Variants in SRCAP observed in about 807,000 individuals in gnomAD.
SRCAP encodes the protein chromatin remodeling protein SRCAP.
A neutral mutation model predicts 263.1 loss-of-function variants in SRCAP; 46 were observed. The ratio of observed to expected loss-of-function variants is 0.17; its 90% CI spans 0.14 to 0.22. The LOEUF is 0.22. SRCAP is among the 10% of genes least tolerant of loss of function. SRCAP has a pLI of 1.00. For synonymous variants in SRCAP, 1,813 were observed against 1,662.1 expected (o/e 1.09, Z -2.21); for missense variants, 3,695 against 4,181.9 (o/e 0.88, Z 3.21).
At chr16:30,725,114 A>G (rs2053051516) in intron 25 of SRCAP, 32 bp downstream of exon 25, 2 of 1,569,610 alleles carry the variant, frequency 1.3e-6, no homozygotes, top group African/African-American at 1.4e-5. Flanking sequence ...GGGAACAGGA[A>G]GTTGAGTTTC....
At chr16:30,710,615 A>G in intron 8 of SRCAP, 139 bp from the exon 9 acceptor site, 1 of 921,438 alleles carries the variant, frequency 1.1e-6, no homozygotes, top group Non-Finnish European at 1.8e-6. Context: ...CCTTGATTGT[A>G]TTCTTGCCCT....
At chr16:30,727,901 G>C (rs760934203) in intron 25 of SRCAP, among the ~76,000 whole-genome samples, 1 of 151,900 alleles carries the variant, frequency 6.6e-6, no homozygotes, top group Admixed American at 6.6e-5. Flanking sequence ...TGCCCAAACT[G>C]GTCTTGAATA....
At chr16:30,699,554 A>G (rs1290340266) in intron 1 of SRCAP, among the ~76,000 whole-genome samples, 3 of 150,934 alleles carry the variant, frequency 2.0e-5, no homozygotes, top group African/African-American at 7.3e-5. Flanking sequence ...CGGGAGTTCC[A>G]CTCTCACTTC....
Position 30,736,385 on chromosome 16 carries a change from C to G in SRCAP, c.6915C>G (p.Leu2305=), listed in dbSNP as rs915038749. 6.2e-7 allele frequency: 1 copy of G among 1,612,202 alleles called. No homozygotes were observed. The highest frequency in any genetic ancestry group is 1.7e-5 in the Admixed American group (1 of 59,900). Reference sequence around the variant, plus strand: ...GGGCTGAGCAGGAAATTGCTGCCCTCGTAGAACAGGTCAGTGCTGGACCCA... The same window carrying G: ...GGGCTGAGCAGGAAATTGCTGCCCTGGTAGAACAGGTCAGTGCTGGACCCA... The part of the protein sequence containing the change: ...MSRAEQEIAA[L]VEQLTPIERY... Residue 2305 remains leucine, a synonymous_variant, in exon 32 of 34, where the codon CTC becomes CTG. Coordinates refer to ENST00000262518, the MANE Select transcript of SRCAP (RefSeq NM_006662.3).
At chr16:30,721,589 C>G in intron 21 of SRCAP, 113 bp downstream of exon 21, 1 of 1,402,014 alleles carries the variant, frequency 7.1e-7, no homozygotes, top group Admixed American at 2.5e-5. Flanking sequence ...TGCCTATAAT[C>G]CCGGTGCTTT....
chr16:30,720,421 A>C (rs929650587), intron 19 of SRCAP, 90 bp downstream of exon 19: 4 of 1,441,446 alleles, frequency 2.8e-6, no homozygotes, highest in Non-Finnish European at 3.8e-6. Context: ...AAAGAGTTGG[A>C]TGCAAGGCTG....
chr16:30,726,420 A>G (rs1347322420), intron 25 of SRCAP, among the ~76,000 whole-genome samples: 6 of 152,216 alleles, frequency 3.9e-5, no homozygotes, highest in Non-Finnish European at 7.3e-5. Context: ...ACTAGGTTTT[A>G]ACTGTTTAAG....
At chr16:30,723,253 G>T (rs1402357792) in intron 24 of SRCAP, 24 bp downstream of exon 24, 1 of 1,573,866 alleles carries the variant, frequency 6.4e-7, no homozygotes, top group Non-Finnish European at 8.6e-7. Context: ...GCTGAGGCCA[G>T]AAATCCTTGC....
intron 27 of SRCAP, 96 bp downstream of exon 27, chr16:30,729,668 C>A (rs550154542): frequency 7.0e-7 from 1 of 1,438,414 alleles, no homozygotes; most frequent in African/African-American, 1.4e-5. Context: ...AGTTCTCTTG[C>A]GATTTCTGTA....
At chr16:30,707,468 C>G (rs970414220) in intron 5 of SRCAP, 100 bp downstream of exon 5, 7 of 1,603,402 alleles carry the variant, frequency 4.4e-6, no homozygotes, top group South Asian at 1.1e-5. Context: ...GCATTAAGAG[C>G]AAACTCTTGA....
At chr16:30,720,044 T>C in intron 18 of SRCAP, 118 bp from the exon 19 acceptor site, 1 of 1,049,956 alleles carries the variant, frequency 9.5e-7, no homozygotes, top group South Asian at 1.5e-5. Context: ...GTACATGTGG[T>C]ATTTGGTTTT....
chr16:30,716,437 C>T lies in SRCAP; in HGVS notation c.2775C>T (p.Thr925=), dbSNP rs564356034. The T allele has an allele frequency of 4.1e-5, 66 of 1,614,172 alleles. 1 individual carries two copies. The South Asian group carries it at 5.1e-4, about 12-fold the overall frequency. Residue 925 remains threonine, a synonymous_variant, in exon 18 of 34, where the codon ACC becomes ACT. Transcript: ENST00000262518. ...PFITPGICFS[T]ASLVLRATDV... is the part of the protein sequence containing the mutation. ...TCACCCCAGGCATCTGCTTCAGCAC[C>T]GCCTCTCTGGTGCTAAGGGCCACGG... is the stretch of plus-strand genomic sequence containing the variant.
In SRCAP at chr16:30,734,630, G is replaced by C. The variant is rs2053142344; in HGVS notation, c.6729+15G>C. 3 of 1,613,958 alleles carry C rather than the reference G, an allele frequency of 1.9e-6. No homozygotes were observed. Among genetic ancestry groups the C allele is most frequent in the Non-Finnish European group, 2.5e-6 (3 of 1,179,930 alleles). On this transcript the variant is annotated intron_variant, in intron 31 of 33. Coordinates refer to ENST00000262518, the MANE Select transcript of SRCAP (RefSeq NM_006662.3). ...TTCTGGAGCAGGTAAAAAAAGAGTG[G>C]GCAGTTCGTAAAGTTGAGCTGATTC...
chr16:30,723,776 C>G lies in SRCAP; in HGVS notation c.4352C>G (p.Ala1451Gly). Residue 1451 changes from alanine (A) to glycine (G), a missense_variant, in exon 25 of 34, where the codon GCC becomes GGC. Ala to Gly is a moderately conservative substitution (Grantham distance 60). Around this residue, in one of 12 missense-constraint regions of SRCAP, gnomAD observed 1,347 missense variants for 1,304.4 expected, o/e 1.03. Coordinates refer to ENST00000262518, the MANE Select transcript of SRCAP (RefSeq NM_006662.3). ...ISVPTTLPAP[A>G]SAPLTIPISA... ...GTCCCCACCACACTTCCTGCCCCAGCCTCGGCTCCACTCACCATCCCCATC... is the reference window on the plus strand; with the variant it reads ...GTCCCCACCACACTTCCTGCCCCAGGCTCGGCTCCACTCACCATCCCCATC... 6.2e-7 allele frequency: 1 copy of G among 1,614,104 alleles called. No individual in the cohort carries two copies. The highest frequency in any genetic ancestry group is 8.5e-7 in the Non-Finnish European group (1 of 1,180,018).
At position 30,721,272 on chromosome 16, in the gene SRCAP, C is replaced by G. The variant is rs2053008764; in HGVS notation, c.3337C>G (p.Pro1113Ala). Residue 1113 changes from proline (P) to alanine (A), a missense_variant, in exon 21 of 34, where the codon CCA becomes GCA. Around this residue, in one of 12 missense-constraint regions of SRCAP, gnomAD observed 1,347 missense variants for 1,304.4 expected, o/e 1.03. Transcript: ENST00000262518. The part of the protein sequence containing the change: ...TLSLKPTPPA[P>A]VRLSPAPPPG... ...GTCCCTAAAGCCAACACCACCTGCC[C>G]CAGTTCGCCTGAGCCCAGCCCCACC... is the stretch of plus-strand genomic sequence containing the variant. The G allele has an allele frequency of 6.2e-7, 1 of 1,614,156 alleles. No homozygotes were observed. Among genetic ancestry groups the G allele is most frequent in the Non-Finnish European group, 8.5e-7 (1 of 1,180,028 alleles).
intron 16 of SRCAP, among the ~76,000 whole-genome samples, chr16:30,714,504 G>A (rs1211568269): frequency 1.5e-4 from 2 of 13,404 alleles, no homozygotes; most frequent in East Asian, 8.9e-3. Context: ...CCACCGTGCC[G>A]GGCTTTTTTT....
rs1292455026 is a variant in SRCAP, at chr16:30,724,947, G to A, written c.5523G>A (p.Leu1841=). Residue 1841 remains leucine, a synonymous_variant, in exon 25 of 34, where the codon CTG becomes CTA. Transcript: ENST00000262518. ...APLPVTMVSR[L]PVSKDEPDTL... Reference sequence around the variant, plus strand: ...TGCCTGTCACCATGGTATCCCGGCTGCCTGTTTCCAAGGATGAGCCTGACA... The same window carrying A: ...TGCCTGTCACCATGGTATCCCGGCTACCTGTTTCCAAGGATGAGCCTGACA... 5 of 1,614,084 alleles carry A rather than the reference G, an allele frequency of 3.1e-6. No individual in the cohort carries two copies. Among genetic ancestry groups the A allele is most frequent in the African/African-American group, 1.3e-5 (1 of 74,922 alleles).
rs2053094738 is a variant in SRCAP, at chr16:30,729,630, C to T, written c.6127+58C>T. The T allele has an allele frequency of 1.9e-6, 3 of 1,584,648 alleles. 1 individual carries two copies. The South Asian group carries it at 3.3e-5, about 18-fold the overall frequency. ...TTCTCTTCTTTTCTTAGTATTAAGA[C>T]TGTTGTATCAGAGGGATGCTGCACT... On this transcript the variant is annotated intron_variant, in intron 27 of 33. Transcript: ENST00000262518.
At chr16:30,734,887 A>C (rs1244991959) in intron 31 of SRCAP, among the ~76,000 whole-genome samples, 1 of 152,118 alleles carries the variant, frequency 6.6e-6, no homozygotes, top group African/African-American at 2.4e-5. Flanking sequence ...ACTCTTCTGA[A>C]CCTCACTTTC....
Sources: allele counts gnomAD v4.1 joint callset (sites outside exome capture counted in the v4.1 genomes callset), GRCh38; gene constraint gnomAD v4.1.1; regional missense constraint gnomAD v4.1.1; transcripts MANE v1.5; gene names NCBI Gene and HGNC (gene_info 2026-07-23, HGNC 2026-07-21).